MGMT: variants seen among roughly 807,000 people sequenced by gnomAD.
MGMT encodes the protein methylated-DNA--protein-cysteine methyltransferase.
Under a neutral mutation model 15.9 loss-of-function variants are expected in MGMT, and 14 were observed. The observed-to-expected ratio is 0.88, with a 90% confidence interval of 0.58 to 1.37. The LOEUF is 1.37. Among genes scored for constraint, MGMT ranks in the 40% most tolerant of loss-of-function variants. MGMT has a pLI of 0.00. For missense variants in MGMT, 282 were observed against 268.1 expected, an observed-to-expected ratio of 1.05 and a Z score of -0.36; for synonymous variants, 130 against 118.2, an observed-to-expected ratio of 1.10 and a Z score of -0.65.
At chr10:129,690,204 GGTTAA>G (rs1172494071) in intron 2 of MGMT, among the ~76,000 whole-genome samples, 2 of 152,182 alleles carry the variant, frequency 1.3e-5, no homozygotes, top group Non-Finnish European at 2.9e-5. Flanking sequence ...TGTCTTAAGT[GGTTAA>G]GTTGTAGAAT....
At chr10:129,617,402 T>C (rs1460378806) in intron 2 of MGMT, among the ~76,000 whole-genome samples, 2 of 152,224 alleles carry the variant, frequency 1.3e-5, no homozygotes, top group Admixed American at 6.5e-5. Context: ...CGCGTGCATG[T>C]ATCTTTATGG....
intron 2 of MGMT, among the ~76,000 whole-genome samples, chr10:129,577,195 C>G (rs924710111): frequency 3.9e-5 from 6 of 152,174 alleles, no homozygotes; most frequent in African/African-American, 1.4e-4. Context: ...CTTTAAAGTT[C>G]GTATGGAACC....
At chr10:129,598,257 GGA>G (rs150518207) in intron 2 of MGMT, among the ~76,000 whole-genome samples, 4,866 of 152,304 alleles carry the variant, frequency 0.032, 127 homozygotes, top group South Asian at 0.066. Flanking sequence ...AGCAGACTTA[GGA>G]GCCAGGCTCC....
intron 2 of MGMT, among the ~76,000 whole-genome samples, chr10:129,638,820 G>A (rs1350562393): frequency 2.0e-5 from 3 of 152,112 alleles, no homozygotes; most frequent in African/African-American, 7.2e-5. Context: ...CCAAATATAC[G>A]CCACTCAAAG....
rs193076722 is a variant in MGMT at position 129,558,156 on chromosome 10, C to G, written c.125+21779C>G. Among the ~76,000 whole-genome samples, 113 of 152,234 alleles carry G rather than the reference C, an allele frequency of 7.4e-4. 1 individual carries two copies. Among genetic ancestry groups the G allele is most frequent in the African/African-American group, 2.6e-3 (108 of 41,522 alleles). On this transcript the variant is annotated intron_variant, in intron 2 of 4. Coordinates refer to ENST00000651593, the MANE Select transcript of MGMT (RefSeq NM_002412.5). ...GGGGTCGGGGTATTTCCAGTACTTG[C>G]GCTTCGGAGTCTTTTTAAAATTGAG...
chr10:129,569,746 G>A (rs549214716), intron 2 of MGMT, among the ~76,000 whole-genome samples: 13 of 152,306 alleles, frequency 8.5e-5, no homozygotes, highest in Admixed American at 7.2e-4. Context: ...TGAGCCCGGG[G>A]AGTGCTGTCT....
chr10:129,485,170 A>G (rs955313384), intron 1 of MGMT, among the ~76,000 whole-genome samples: 1 of 152,148 alleles, frequency 6.6e-6, no homozygotes, highest in Admixed American at 6.5e-5. Flanking sequence ...GTTCCTTCTC[A>G]AGCAGTGTCT....
At chr10:129,507,119 G>A (rs140538035) in intron 1 of MGMT, among the ~76,000 whole-genome samples, 5 of 152,212 alleles carry the variant, frequency 3.3e-5, no homozygotes, top group African/African-American at 9.6e-5. Context: ...ATGTTCCTGC[G>A]ACGACCAGTT....
intron 1 of MGMT, among the ~76,000 whole-genome samples, chr10:129,487,455 A>G (rs35208250): frequency 0.06 from 9,147 of 152,160 alleles, 387 homozygotes; most frequent in Admixed American, 0.079. Context: ...TGGTATATAC[A>G]CTATATTATC....
chr10:129,585,661 A>G (rs556552985), intron 2 of MGMT, among the ~76,000 whole-genome samples: 7 of 152,176 alleles, frequency 4.6e-5, no homozygotes, highest in Non-Finnish European at 8.8e-5. Context: ...CATATAGCAA[A>G]TTCAAGTTTT....
At chr10:129,534,546 G>A (rs960242423) in intron 1 of MGMT, among the ~76,000 whole-genome samples, 2 of 151,836 alleles carry the variant, frequency 1.3e-5, no homozygotes, top group Non-Finnish European at 2.9e-5. Context: ...CCCGACCCTG[G>A]TCCCTTTAAG....
intron 2 of MGMT, among the ~76,000 whole-genome samples, chr10:129,633,882 G>A (rs1039431880): frequency 6.6e-6 from 1 of 152,230 alleles, no homozygotes; most frequent in Non-Finnish European, 1.5e-5. Flanking sequence ...CTGCCGTTTT[G>A]TGACAGCAAT....
chr10:129,661,487 C>G (rs1459399308), intron 2 of MGMT, among the ~76,000 whole-genome samples: 8 of 152,196 alleles, frequency 5.3e-5, no homozygotes, highest in Admixed American at 5.2e-4. Context: ...CATTTGACAA[C>G]TATTGATGTT....
intron 2 of MGMT, among the ~76,000 whole-genome samples, chr10:129,546,499 G>T (rs1846099897): frequency 6.6e-6 from 1 of 152,204 alleles, no homozygotes; most frequent in Admixed American, 6.5e-5. Flanking sequence ...TCCTCCCAGG[G>T]CTAGGGGAGA....
chr10:129,593,248 C>T (rs1272147284), intron 2 of MGMT, among the ~76,000 whole-genome samples: 1 of 152,232 alleles, frequency 6.6e-6, no homozygotes, highest in Non-Finnish European at 1.5e-5. Context: ...TTGGGATTCC[C>T]AGGCCTCCAA....
chr10:129,617,156 G>C (rs576041810), intron 2 of MGMT, among the ~76,000 whole-genome samples: 1 of 152,232 alleles, frequency 6.6e-6, no homozygotes, highest in African/African-American at 2.4e-5. Flanking sequence ...ACCGTTGTCT[G>C]CTGTTCCCTT....
intron 2 of MGMT, among the ~76,000 whole-genome samples, chr10:129,589,821 G>A (rs528241452): frequency 6.6e-4 from 101 of 152,352 alleles, no homozygotes; most frequent in African/African-American, 2.3e-3. Context: ...GAAGCCTCCA[G>A]CTGGGAGCCG....
At chr10:129,539,608 G>A (rs1000612773) in intron 2 of MGMT, among the ~76,000 whole-genome samples, 1 of 151,990 alleles carries the variant, frequency 6.6e-6, no homozygotes, top group Non-Finnish European at 1.5e-5. Context: ...CTGGGTTCAC[G>A]CCATTCTCCT....
chr10:129,627,048 G>T (rs1212443518), intron 2 of MGMT, among the ~76,000 whole-genome samples: 2 of 152,210 alleles, frequency 1.3e-5, no homozygotes, highest in South Asian at 2.1e-4. Context: ...CTTTCAGAAG[G>T]CTTCACGCAA....
Sources: gnomAD v4.1 joint callset for allele counts (sites outside exome capture counted in the v4.1 genomes callset) on GRCh38, gnomAD v4.1.1 for gene constraint, MANE v1.5 for transcripts, NCBI Gene and HGNC (gene_info 2026-07-23, HGNC 2026-07-21) for gene names.